Variants in SPOCK3 observed in about 807,000 individuals in gnomAD.
SPOCK3 encodes testican-3.
Under a neutral mutation model 56.6 loss-of-function variants are expected in SPOCK3, and 30 were observed. That is an observed-to-expected ratio of 0.53 (90% CI 0.40 to 0.72). The LOEUF is 0.72. Ranked by LOEUF, SPOCK3 falls within the 30% of genes least tolerant of loss-of-function variation. The pLI is 0.00. For missense variants in SPOCK3, 527 were observed against 530.0 expected (o/e 0.99, Z 0.06); for synonymous variants, 196 against 183.3 (o/e 1.07, Z -0.56).
Position 166,733,924 on chromosome 4 carries a change from TTC to T in SPOCK3, c.*995_*996del, listed in dbSNP as rs1161354035. On this transcript the variant is annotated 3_prime_UTR_variant, in exon 11 of 11. Transcript: ENST00000357545. ...TATATTGGTATGCATGCTAAAATCT[TTC>T]TATCTCTATTTTTGCAAGGCACCAT... 6.6e-6 allele frequency: 1 copy of T among 152,276 alleles called. No homozygotes were observed. The highest frequency in any genetic ancestry group is 2.4e-5 in the African/African-American group (1 of 41,430). 9.4% of individuals were successfully genotyped at this position (152,276 alleles called of 1,614,324 possible).
chr4:167,194,648 T>C (rs754479629), intron 2 of SPOCK3, among the ~76,000 whole-genome samples: 5 of 152,206 alleles, frequency 3.3e-5, no homozygotes, highest in African/African-American at 1.2e-4. Flanking sequence ...TGTAGCTTAT[T>C]AGTATTGAAA....
At chr4:167,073,239 A>G (rs1056962260) in intron 2 of SPOCK3, among the ~76,000 whole-genome samples, 1 of 151,704 alleles carries the variant, frequency 6.6e-6, no homozygotes, top group Non-Finnish European at 1.5e-5. Context: ...CTGTTTAATT[A>G]TATCATCAAA....
intron 2 of SPOCK3, among the ~76,000 whole-genome samples, chr4:167,136,427 A>C (rs1002696071): frequency 6.6e-6 from 1 of 152,142 alleles, no homozygotes; most frequent in African/African-American, 2.4e-5. Context: ...GAACAACATA[A>C]ATATGACAAT....
rs191490527 is a variant in SPOCK3, at chr4:167,094,773, A to G, written c.190-32236T>C. 2.6e-4 allele frequency among the ~76,000 whole-genome samples: 40 copies of G among 152,280 alleles called. No homozygotes were observed. In the East Asian group the frequency reaches 3.3e-3, roughly 13 times the overall value. ...TATTAGATTCATATGTATTTTCTAT[A>G]TACAAGACATTGTCATAGAATAACA... On this transcript the variant is annotated intron_variant, in intron 2 of 10. Coordinates refer to ENST00000357545, the MANE Select transcript of SPOCK3 (RefSeq NM_001040159.2).
At chr4:166,999,159 C>T (rs920656420) in intron 4 of SPOCK3, among the ~76,000 whole-genome samples, 1 of 152,076 alleles carries the variant, frequency 6.6e-6, no homozygotes, top group South Asian at 2.1e-4. Flanking sequence ...TTTCTTTCTC[C>T]TACTCCCTCT....
intron 7 of SPOCK3, among the ~76,000 whole-genome samples, chr4:166,769,645 T>C (rs1285191958): frequency 6.6e-6 from 1 of 152,190 alleles, no homozygotes; most frequent in Non-Finnish European, 1.5e-5. Context: ...AGGGACCCAC[T>C]TGAGGAGGCA....
intron 4 of SPOCK3, 58 bp from the exon 5 acceptor site, chr4:166,912,801 A>G: frequency 1.4e-6 from 2 of 1,438,466 alleles, no homozygotes; most frequent in Non-Finnish European, 1.9e-6. Flanking sequence ...ATACATTTAT[A>G]TTAGCTCATT....
chr4:167,169,664 T>G (rs1580502506), intron 2 of SPOCK3, among the ~76,000 whole-genome samples: 1 of 152,226 alleles, frequency 6.6e-6, no homozygotes, highest in East Asian at 1.9e-4. Context: ...AGTTTAGAAT[T>G]TAGGGGACTG....
intron 6 of SPOCK3, among the ~76,000 whole-genome samples, chr4:166,888,382 T>C (rs779947038): frequency 5.9e-5 from 9 of 152,096 alleles, no homozygotes; most frequent in Non-Finnish European, 5.9e-5. Flanking sequence ...TCTAATGCTG[T>C]AAAATATTTT....
intron 2 of SPOCK3, among the ~76,000 whole-genome samples, chr4:167,185,729 C>T (rs1261438919): frequency 6.6e-6 from 1 of 152,182 alleles, no homozygotes; most frequent in Non-Finnish European, 1.5e-5. Flanking sequence ...GTGGGAGGGG[C>T]ATTCCTCTCT....
intron 2 of SPOCK3, among the ~76,000 whole-genome samples, chr4:167,228,007 C>A (rs1736770546): frequency 6.6e-6 from 1 of 152,114 alleles, no homozygotes; most frequent in Admixed American, 6.6e-5. Context: ...GAAATCATCT[C>A]AAGTTATAAG....
intron 6 of SPOCK3, among the ~76,000 whole-genome samples, chr4:166,826,433 A>C (rs1560899994): frequency 6.6e-6 from 1 of 152,118 alleles, no homozygotes; most frequent in South Asian, 2.1e-4. Context: ...TAGACTGTCA[A>C]ATCAAAATTT....
intron 3 of SPOCK3, among the ~76,000 whole-genome samples, chr4:167,018,800 A>G (rs1404611638): frequency 6.6e-6 from 1 of 151,978 alleles, no homozygotes; most frequent in Non-Finnish European, 1.5e-5. Flanking sequence ...CTATCAGCAG[A>G]GTATGCAGCA....
At chr4:166,744,076 G>A (rs113465405) in intron 8 of SPOCK3, among the ~76,000 whole-genome samples, 8 of 152,088 alleles carry the variant, frequency 5.3e-5, no homozygotes, top group Non-Finnish European at 1.0e-4. Flanking sequence ...AGACTTAAAC[G>A]TCCCTGTCTG....
chr4:167,141,445 C>T (rs1195507727), intron 2 of SPOCK3, among the ~76,000 whole-genome samples: 3 of 151,932 alleles, frequency 2.0e-5, no homozygotes, highest in Non-Finnish European at 2.9e-5. Context: ...TTTAAAAGCC[C>T]CACAGCTCTA....
intron 2 of SPOCK3, among the ~76,000 whole-genome samples, chr4:167,164,490 G>C (rs1252533346): frequency 2.0e-5 from 3 of 151,910 alleles, no homozygotes; most frequent in African/African-American, 7.3e-5. Flanking sequence ...TTGTTACATA[G>C]GTATACATGT....
At chr4:166,993,816 G>C (rs1351665994) in intron 4 of SPOCK3, among the ~76,000 whole-genome samples, 1 of 152,168 alleles carries the variant, frequency 6.6e-6, no homozygotes, top group East Asian at 1.9e-4. Flanking sequence ...TGGGAGGGGA[G>C]ACTGAATAGA....
At chr4:167,190,195 A>G (rs1732358243) in intron 2 of SPOCK3, among the ~76,000 whole-genome samples, 1 of 145,992 alleles carries the variant, frequency 6.8e-6, no homozygotes, top group Non-Finnish European at 1.5e-5. Context: ...TGGGAACTCT[A>G]TACTACTTGC....
chr4:167,012,226 T>C (rs991853280), intron 3 of SPOCK3, among the ~76,000 whole-genome samples: 4 of 152,060 alleles, frequency 2.6e-5, no homozygotes, highest in Admixed American at 6.6e-5. Flanking sequence ...TAGAATGAAG[T>C]TGTCAAGTGT....
Sources: gnomAD v4.1 joint callset for allele counts (sites outside exome capture counted in the v4.1 genomes callset) on GRCh38, gnomAD v4.1.1 for gene constraint, MANE v1.5 for transcripts, NCBI Gene and HGNC (gene_info 2026-07-23, HGNC 2026-07-21) for gene names.